The following CELF5 variants were observed in gnomAD, a reference collection of about 807,000 sequenced individuals.
CELF5 encodes CUG-BP and ETR-3 like factor 5.
Under a neutral mutation model 54.9 loss-of-function variants are expected in CELF5, and 6 were observed. The ratio of observed to expected loss-of-function variants is 0.11; its 90% CI spans 0.06 to 0.22. The LOEUF is 0.22. Ranked by LOEUF, CELF5 falls within the 10% of genes least tolerant of loss-of-function variation. The pLI is 1.00. For missense variants in CELF5, 401 were observed against 678.6 expected (o/e 0.59, Z 4.54); for synonymous variants, 271 against 290.9 (o/e 0.93, Z 0.70).
chr19:3,244,645 GTATC>G (rs1408041636), intron 1 of CELF5, among the ~76,000 whole-genome samples: 1 of 149,350 alleles, frequency 6.7e-6, no homozygotes, highest in African/African-American at 2.5e-5. Context: ...GTGTGTGTAT[GTATC>G]TGTGTGCATA....
intron 1 of CELF5, among the ~76,000 whole-genome samples, chr19:3,230,072 C>T (rs1055019037): frequency 2.2e-5 from 3 of 135,530 alleles, no homozygotes; most frequent in Non-Finnish European, 1.6e-5. Flanking sequence ...CCTGGTAGGA[C>T]CACACTCATT....
At chr19:3,266,811 G>A (rs1313048496) in intron 2 of CELF5, among the ~76,000 whole-genome samples, 2 of 150,560 alleles carry the variant, frequency 1.3e-5, no homozygotes, top group Non-Finnish European at 2.9e-5. Context: ...GGGGGCTGCT[G>A]GGGAGGAAGA....
intron 1 of CELF5, among the ~76,000 whole-genome samples, chr19:3,243,452 T>A (rs2079520658): frequency 6.6e-6 from 1 of 152,138 alleles, no homozygotes; most frequent in South Asian, 2.1e-4. Flanking sequence ...AGCTAATTTT[T>A]AAAATTATTT....
intron 3 of CELF5, 151 bp downstream of exon 3, chr19:3,274,074 C>T (rs1340026866): frequency 1.5e-5 from 11 of 730,206 alleles, no homozygotes; most frequent in Middle Eastern, 7.4e-4. Context: ...ATGCAGTAGT[C>T]GCATGCCTGC....
intron 2 of CELF5, among the ~76,000 whole-genome samples, chr19:3,258,469 G>A (rs2079762581): frequency 6.6e-6 from 1 of 151,896 alleles, no homozygotes; most frequent in Admixed American, 6.6e-5. Flanking sequence ...CTTCTCATTG[G>A]ATTTAGGGCT....
At position 3,293,352 on chromosome 19, in the gene CELF5, A is replaced by T; in HGVS notation, c.1364A>T (p.Gln455Leu). 1 of 1,614,154 alleles carries T rather than the reference A, an allele frequency of 6.2e-7. No individual in the cohort carries two copies. The highest frequency in any genetic ancestry group is 8.5e-7 in the Non-Finnish European group (1 of 1,179,994). ...FVSFDNPASAQAAIQAMNGFQ... is the reference protein window; with the variant it reads ...FVSFDNPASALAAIQAMNGFQ... ...AGCTTTGATAACCCGGCCAGCGCCC[A>T]GGCAGCCATCCAGGCCATGAACGGC... The change falls in exon 12 of 13, where the codon CAG (glutamine) becomes CTG (leucine). Residue 455 changes from glutamine to leucine, a missense_variant. Gln to Leu is a moderately radical substitution (Grantham distance 113). Coordinates refer to ENST00000292672, the MANE Select transcript of CELF5 (RefSeq NM_021938.4).
chr19:3,238,627 C>T (rs192647850), intron 1 of CELF5, among the ~76,000 whole-genome samples: 1 of 152,150 alleles, frequency 6.6e-6, no homozygotes, highest in East Asian at 1.9e-4. Flanking sequence ...GTCTCCTCTC[C>T]TCTGTGTTAT....
chr19:3,260,057 A>G (rs1251203099), intron 2 of CELF5, among the ~76,000 whole-genome samples: 1 of 152,224 alleles, frequency 6.6e-6, no homozygotes. Flanking sequence ...AATATATTTC[A>G]TTTGAACCCA....
intron 1 of CELF5, among the ~76,000 whole-genome samples, chr19:3,235,645 AGTGG>A (rs1917533376): frequency 3.7e-5 from 1 of 27,266 alleles, no homozygotes. Flanking sequence ...TGGGTGGATG[AGTGG>A]ATGGATGGAT....
At chr19:3,233,729 G>A (rs948673748) in intron 1 of CELF5, among the ~76,000 whole-genome samples, 5 of 152,128 alleles carry the variant, frequency 3.3e-5, no homozygotes, top group Non-Finnish European at 5.9e-5. Flanking sequence ...GTTGTTGAGC[G>A]GGTTCTGTGT....
At chr19:3,234,372 C>T (rs1439552146) in intron 1 of CELF5, among the ~76,000 whole-genome samples, 3 of 152,034 alleles carry the variant, frequency 2.0e-5, no homozygotes, top group East Asian at 1.9e-4. Context: ...GCATTGAGAT[C>T]GTAGGTGTGA....
At chr19:3,267,667 A>G (rs947390642) in intron 2 of CELF5, among the ~76,000 whole-genome samples, 1 of 152,192 alleles carries the variant, frequency 6.6e-6, no homozygotes, top group African/African-American at 2.4e-5. Context: ...GCTGAGGTAC[A>G]TCCCAGCACC....
intron 2 of CELF5, among the ~76,000 whole-genome samples, chr19:3,265,104 A>G (rs1429849835): frequency 6.6e-6 from 1 of 152,140 alleles, no homozygotes; most frequent in African/African-American, 2.4e-5. Flanking sequence ...TGGGAGGCCA[A>G]GACCAGAGGA....
At chr19:3,279,266 A>G (rs138963809) in intron 5 of CELF5, among the ~76,000 whole-genome samples, 36 of 151,974 alleles carry the variant, frequency 2.4e-4, no homozygotes, top group African/African-American at 7.5e-4. Flanking sequence ...CAGGTCCCAG[A>G]GTCTGCAGCA....
At chr19:3,285,076 T>G in intron 9 of CELF5, 112 bp downstream of exon 9, 1 of 807,172 alleles carries the variant, frequency 1.2e-6, no homozygotes, top group Non-Finnish European at 2.0e-6. Flanking sequence ...CCGCGCCTCC[T>G]ACCTCTGGCC....
chr19:3,271,591 C>T (rs1599451858), intron 2 of CELF5, among the ~76,000 whole-genome samples: 1 of 152,026 alleles, frequency 6.6e-6, no homozygotes, highest in African/African-American at 2.4e-5. Context: ...AGCATATGTG[C>T]CCGGGACATA....
intron 2 of CELF5, among the ~76,000 whole-genome samples, chr19:3,255,426 C>G (rs1362904416): frequency 6.6e-6 from 1 of 152,168 alleles, no homozygotes; most frequent in East Asian, 1.9e-4. Context: ...TCAAGTGATC[C>G]ACCTGCCTCG....
chr19:3,232,749 C>T (rs891089239), intron 1 of CELF5, among the ~76,000 whole-genome samples: 11 of 151,790 alleles, frequency 7.2e-5, no homozygotes, highest in African/African-American at 2.7e-4. Flanking sequence ...CCAGACCAGC[C>T]TGGGCAACAT....
rs150220797 is a variant in CELF5, at chr19:3,255,339, C to T, written c.342+4272C>T. On this transcript the variant is annotated intron_variant, in intron 2 of 12. Transcript: ENST00000292672. ...AGCTGGGATTACAGGCATGAGCCACCACGCTGGCTAATTTTTATATTTTTA... is the reference window on the plus strand; with the variant it reads ...AGCTGGGATTACAGGCATGAGCCACTACGCTGGCTAATTTTTATATTTTTA... 3.3e-3 allele frequency among the ~76,000 whole-genome samples: 495 copies of T among 152,280 alleles called. 5 individuals are homozygous for T. Among genetic ancestry groups the T allele is most frequent in the African/African-American group, 9.8e-3 (406 of 41,562 alleles).
Sources: gnomAD v4.1 joint callset for allele counts (sites outside exome capture counted in the v4.1 genomes callset) on GRCh38, gnomAD v4.1.1 for gene constraint, MANE v1.5 for transcripts, NCBI Gene and HGNC (gene_info 2026-07-23, HGNC 2026-07-21) for gene names.